Variants in CSMD1 observed in about 807,000 individuals in gnomAD.
The protein encoded by CSMD1 is CUB and sushi domain-containing protein 1.
In CSMD1, 213 loss-of-function variants were observed where a neutral mutation model predicts 417.5. The ratio of observed to expected loss-of-function variants is 0.51; its 90% CI spans 0.46 to 0.57. The LOEUF (loss-of-function observed/expected upper bound fraction) is 0.57, where lower values mean the gene tolerates loss of function less well. Ranked by LOEUF, CSMD1 falls within the 20% of genes least tolerant of loss-of-function variation. The pLI is 0.00. For missense variants in CSMD1, 6,923 were observed against 4,529.7 expected (o/e 1.53, Z -15.17); for synonymous variants, 2,862 against 1,736.8 (o/e 1.65, Z -16.11).
intron 4 of CSMD1, among the ~76,000 whole-genome samples, chr8:4,023,920 G>A (rs927811694): frequency 6.6e-6 from 1 of 151,666 alleles, no homozygotes; most frequent in Non-Finnish European, 1.5e-5. Flanking sequence ...CCCGACCACT[G>A]CTTTTCAACT....
intron 5 of CSMD1, among the ~76,000 whole-genome samples, chr8:3,861,089 T>G (rs796854356): frequency 6.6e-6 from 1 of 152,142 alleles, no homozygotes; most frequent in African/African-American, 2.4e-5. Flanking sequence ...AATGCCAACT[T>G]CTAGTGAGCT....
intron 7 of CSMD1, among the ~76,000 whole-genome samples, chr8:3,636,833 A>T (rs1004469077): frequency 3.3e-5 from 5 of 152,090 alleles, no homozygotes; most frequent in African/African-American, 1.2e-4. Flanking sequence ...TTGCTATATG[A>T]GTTTAAATGT....
intron 6 of CSMD1, among the ~76,000 whole-genome samples, chr8:3,713,680 C>T (rs1406407398): frequency 1.3e-5 from 2 of 152,168 alleles, no homozygotes; most frequent in East Asian, 3.9e-4. Context: ...GATCAGATAA[C>T]CCCAAACAAA....
At chr8:4,365,137 T>TA (rs1801990502) in intron 3 of CSMD1, among the ~76,000 whole-genome samples, 2 of 152,328 alleles carry the variant, frequency 1.3e-5, no homozygotes, top group Non-Finnish European at 2.9e-5. Context: ...AGTGAACTAA[T>TA]ATACAGCATA....
At chr8:4,517,923 T>C (rs1231092815) in intron 2 of CSMD1, among the ~76,000 whole-genome samples, 1 of 152,208 alleles carries the variant, frequency 6.6e-6, no homozygotes, top group Non-Finnish European at 1.5e-5. Context: ...AGAGTACATA[T>C]GACATTTCCA....
chr8:2,986,810 T>C (rs1262036441), intron 54 of CSMD1, among the ~76,000 whole-genome samples: 2 of 152,120 alleles, frequency 1.3e-5, no homozygotes, highest in Non-Finnish European at 1.5e-5. Flanking sequence ...GGCTCTCTAG[T>C]TCATTTTTTA....
intron 2 of CSMD1, among the ~76,000 whole-genome samples, chr8:4,575,471 G>A (rs1013240840): frequency 2.6e-5 from 4 of 152,116 alleles, no homozygotes; most frequent in African/African-American, 9.7e-5. Context: ...TTCTCTGAAC[G>A]TTATCTGAAG....
intron 12 of CSMD1, among the ~76,000 whole-genome samples, chr8:3,443,375 G>A (rs1490198766): frequency 6.6e-6 from 1 of 152,120 alleles, no homozygotes; most frequent in Non-Finnish European, 1.5e-5. Context: ...ACTATAGAAT[G>A]AGCTCCAGAA....
intron 37 of CSMD1, among the ~76,000 whole-genome samples, chr8:3,173,271 G>A (rs4875090): frequency 0.65 from 99,399 of 152,064 alleles, 33,798 homozygotes; most frequent in African/African-American, 0.85. Flanking sequence ...AATGCCTAAA[G>A]TAATATTGTA....
chr8:4,470,535 C>A (rs1800466875), intron 2 of CSMD1, among the ~76,000 whole-genome samples: 1 of 152,114 alleles, frequency 6.6e-6, no homozygotes, highest in Non-Finnish European at 1.5e-5. Context: ...TGAACTCAGA[C>A]AAAAATGACA....
intron 2 of CSMD1, among the ~76,000 whole-genome samples, chr8:4,633,619 T>C (rs1483248536): frequency 2.0e-5 from 3 of 151,816 alleles, no homozygotes; most frequent in Non-Finnish European, 2.9e-5. Context: ...TGCAGTGGCA[T>C]GATCTGCACT....
intron 3 of CSMD1, among the ~76,000 whole-genome samples, chr8:4,203,570 G>C (rs774767222): frequency 1.3e-5 from 2 of 152,164 alleles, no homozygotes; most frequent in African/African-American, 4.8e-5. Context: ...TTGGAAGTCA[G>C]TGTAGCTGGG....
chr8:3,749,015 T>C (rs1401540821), intron 6 of CSMD1, among the ~76,000 whole-genome samples: 1 of 152,210 alleles, frequency 6.6e-6, no homozygotes, highest in African/African-American at 2.4e-5. Context: ...TGTAATTTTA[T>C]AAACAGCCGG....
At chr8:3,354,211 C>T (rs534919834) in intron 21 of CSMD1, among the ~76,000 whole-genome samples, 3 of 152,258 alleles carry the variant, frequency 2.0e-5, no homozygotes, top group Admixed American at 2.0e-4. Context: ...GATTCAAATT[C>T]TACAGCTGAA....
chr8:4,961,843 C>T (rs1203150914), intron 1 of CSMD1, among the ~76,000 whole-genome samples: 1 of 152,004 alleles, frequency 6.6e-6, no homozygotes, highest in Non-Finnish European at 1.5e-5. Flanking sequence ...CTGTTGTCCA[C>T]GTCTTGATTT....
At chr8:3,117,120 G>A (rs1193644975) in intron 42 of CSMD1, among the ~76,000 whole-genome samples, 1 of 151,952 alleles carries the variant, frequency 6.6e-6, no homozygotes, top group African/African-American at 2.4e-5. Flanking sequence ...GCCCAGGCTG[G>A]AGGGCAGTGG....
chr8:3,325,710 G>A (rs1034739645), intron 23 of CSMD1, among the ~76,000 whole-genome samples: 1 of 152,142 alleles, frequency 6.6e-6, no homozygotes, highest in East Asian at 1.9e-4. Flanking sequence ...TATAATCCCA[G>A]CTACTCGGGA....
chr8:4,537,353 T>C lies in CSMD1; in HGVS notation c.302+99989A>G, dbSNP rs533580074. ...TAAATGCTAAAATGAGAGATTATTATATAAAGAAAGTTGTGCTAATTCTGT... is the reference window on the plus strand; with the variant it reads ...TAAATGCTAAAATGAGAGATTATTACATAAAGAAAGTTGTGCTAATTCTGT... On this transcript the variant is annotated intron_variant, in intron 2 of 69. Coordinates refer to ENST00000635120, the MANE Select transcript of CSMD1 (RefSeq NM_033225.6). Among the ~76,000 whole-genome samples the C allele has an allele frequency of 3.9e-4, 60 of 152,318 alleles. No homozygotes were observed. In the East Asian group the frequency reaches 0.011, roughly 27 times the overall value.
chr8:4,344,005 C>T (rs1800634721), intron 3 of CSMD1, among the ~76,000 whole-genome samples: 1 of 152,058 alleles, frequency 6.6e-6, no homozygotes, highest in Non-Finnish European at 1.5e-5. Flanking sequence ...ATACCACAAG[C>T]ACTGTGGTTG....
Sources: gnomAD v4.1 joint callset for allele counts (sites outside exome capture counted in the v4.1 genomes callset) on GRCh38, gnomAD v4.1.1 for gene constraint, MANE v1.5 for transcripts, NCBI Gene and HGNC (gene_info 2026-07-23, HGNC 2026-07-21) for gene names.